The following MCTP2 variants were observed in gnomAD, a reference collection of about 807,000 sequenced individuals.
MCTP2 encodes multiple C2 and transmembrane domain-containing protein 2.
Under a neutral mutation model 111.6 loss-of-function variants are expected in MCTP2, and 132 were observed. The observed-to-expected ratio is 1.18, with a 90% CI of 1.03 to 1.37. The LOEUF is 1.37. Among genes scored for constraint, MCTP2 ranks in the 40% most tolerant of loss-of-function variants. MCTP2 has a pLI of 0.00. For synonymous variants in MCTP2, 395 were observed against 387.7 expected (o/e 1.02, Z -0.22); for missense variants, 1,183 against 1,067.9 (o/e 1.11, Z -1.50).
At chr15:94,426,920 A>G (rs2082922166) in intron 17 of MCTP2, among the ~76,000 whole-genome samples, 1 of 152,110 alleles carries the variant, frequency 6.6e-6, no homozygotes, top group East Asian at 1.9e-4. Context: ...TGGATTCTCA[A>G]CAAAACCATG....
chr15:94,392,667 T>G (rs1289319611), intron 14 of MCTP2, among the ~76,000 whole-genome samples: 1 of 151,468 alleles, frequency 6.6e-6, no homozygotes, highest in Non-Finnish European at 1.5e-5. Flanking sequence ...TGCAAAAAAA[T>G]TAGCTGGGCA....
Position 94,378,154 on chromosome 15 carries a change from A to G in MCTP2, c.1583-5868A>G, listed in dbSNP as rs1362308934. Among the ~76,000 whole-genome samples the G allele has an allele frequency of 2.0e-5, 3 of 152,118 alleles. No individual in the cohort carries two copies. The East Asian group carries it at 5.8e-4, about 29-fold the overall frequency. ...TTGAGAGGAGAATGAAAATGGGAAG[A>G]TGTTAGACAAGATCAGTGAATGATG... On this transcript the variant is annotated intron_variant, in intron 12 of 22. Coordinates refer to ENST00000357742, the MANE Select transcript of MCTP2 (RefSeq NM_001385001.1).
chr15:94,287,720 C>G (rs142147907), intron 1 of MCTP2, among the ~76,000 whole-genome samples: 20 of 152,350 alleles, frequency 1.3e-4, no homozygotes, highest in Admixed American at 9.2e-4. Flanking sequence ...CCTCATTCAT[C>G]AGATTGGCTC....
chr15:94,256,241 A>G (rs1015527848), intron 1 of MCTP2, among the ~76,000 whole-genome samples: 3 of 152,314 alleles, frequency 2.0e-5, no homozygotes, highest in African/African-American at 7.2e-5. Context: ...GGCTATGTAT[A>G]TAAGGTGTGT....
At chr15:94,265,746 G>A (rs1053607863) in intron 1 of MCTP2, among the ~76,000 whole-genome samples, 1 of 152,050 alleles carries the variant, frequency 6.6e-6, no homozygotes, top group Non-Finnish European at 1.5e-5. Context: ...TTTTAAAAAG[G>A]AAGATAAAAT....
chr15:94,464,374 T>TTAATGTTGTTTATAACATCCTC (rs2085468076), intron 20 of MCTP2, among the ~76,000 whole-genome samples: 1 of 150,858 alleles, frequency 6.6e-6, no homozygotes, highest in African/African-American at 2.4e-5. Flanking sequence ...ACTTGTTGAT[T>TTAATGTTGTTTATAACATCCTC]TAATGTTGTT....
intron 1 of MCTP2, among the ~76,000 whole-genome samples, chr15:94,243,849 A>G (rs538654522): frequency 1.3e-3 from 198 of 148,156 alleles, no homozygotes; most frequent in African/African-American, 4.4e-3. Context: ...ATGTACACAT[A>G]TATGTATACA....
rs2074864042 is a variant in MCTP2 at position 94,288,344 on chromosome 15, A to G, written c.-65-9857A>G. The stretch of plus-strand genomic sequence containing the variant: ...ACTCATGGACTCATCCATAGCCTGA[A>G]CATACATGGATCTGATCCTTATTAG... On this transcript the variant is annotated intron_variant, in intron 1 of 22. Coordinates refer to ENST00000357742, the MANE Select transcript of MCTP2 (RefSeq NM_001385001.1). Among the ~76,000 whole-genome samples, 4 of 152,276 alleles carry G rather than the reference A, an allele frequency of 2.6e-5. No homozygotes were observed. The South Asian group carries it at 8.3e-4, about 32-fold the overall frequency.
chr15:94,413,260 CAG>C (rs1312728572), intron 17 of MCTP2, among the ~76,000 whole-genome samples: 1 of 151,984 alleles, frequency 6.6e-6, no homozygotes, highest in Non-Finnish European at 1.5e-5. Flanking sequence ...CGTCTATAAG[CAG>C]AAATTATTAC....
Position 94,250,392 on chromosome 15 carries a change from G to C in MCTP2, c.-66+18728G>C, listed in dbSNP as rs2045264. Among the ~76,000 whole-genome samples the C allele has an allele frequency of 2.1e-4, 32 of 152,246 alleles. 1 individual carries two copies. In the East Asian group the frequency reaches 6.2e-3, roughly 29 times the overall value. On this transcript the variant is annotated intron_variant, in intron 1 of 22. Transcript: ENST00000357742. ...ATTCTATCCTTCACTTGTGCTGATG[G>C]AGTAATTTAAAATTTCATGTCGTGA...
chr15:94,436,870 C>G lies in MCTP2; in HGVS notation c.2086-3306C>G, dbSNP rs556865739. Among the ~76,000 whole-genome samples the G allele has an allele frequency of 6.9e-4, 104 of 150,674 alleles. 1 individual carries two copies. The highest frequency in any genetic ancestry group is 4.8e-3 in the South Asian group (23 of 4,746). ...TATGCCGTTAAAACCCTTAATCCCC[C>G]CAAAAAACGTAACAATAGGGAAAGG... On this transcript the variant is annotated intron_variant, in intron 17 of 22. Transcript: ENST00000357742.
chr15:94,349,848 A>G (rs2078209042), intron 8 of MCTP2, among the ~76,000 whole-genome samples: 1 of 151,760 alleles, frequency 6.6e-6, no homozygotes, highest in African/African-American at 2.4e-5. Context: ...ACTGGAATGA[A>G]TCTCATCAGT....
intron 10 of MCTP2, among the ~76,000 whole-genome samples, chr15:94,362,709 C>G (rs781418439): frequency 6.6e-6 from 1 of 152,128 alleles, no homozygotes; most frequent in African/African-American, 2.4e-5. Context: ...TAAAAGCTGA[C>G]CAGTCTGTAA....
intron 10 of MCTP2, among the ~76,000 whole-genome samples, chr15:94,367,260 C>T (rs1274298094): frequency 6.6e-6 from 1 of 152,182 alleles, no homozygotes; most frequent in Non-Finnish European, 1.5e-5. Flanking sequence ...AGCCATACAG[C>T]ATGCTTACTC....
intron 8 of MCTP2, among the ~76,000 whole-genome samples, chr15:94,353,300 C>T (rs2078417304): frequency 6.6e-6 from 1 of 152,158 alleles, no homozygotes; most frequent in African/African-American, 2.4e-5. Flanking sequence ...AGATCAGGAG[C>T]TCCAGCCAAG....
At position 94,443,660 on chromosome 15, in the gene MCTP2, A is replaced by T. The variant is rs544003754; in HGVS notation, c.2250+700A>T. On this transcript the variant is annotated intron_variant, in intron 19 of 22. Transcript: ENST00000357742. ...CCAGTGTAAATGCCCATTGAATAGA[A>T]ATGTATTCAAAGACACTGGCTCTGT... Among the ~76,000 whole-genome samples, 5 of 152,254 alleles carry T rather than the reference A, an allele frequency of 3.3e-5. No homozygotes were observed. In the East Asian group the frequency reaches 7.7e-4, roughly 24 times the overall value.
chr15:94,371,225 T>G (rs1054473810), intron 12 of MCTP2, among the ~76,000 whole-genome samples: 1 of 152,150 alleles, frequency 6.6e-6, no homozygotes, highest in African/African-American at 2.4e-5. Context: ...CAAAAATGGT[T>G]TTTGGGCCAA....
intron 17 of MCTP2, among the ~76,000 whole-genome samples, chr15:94,425,186 A>G (rs1222258189): frequency 3.9e-5 from 6 of 152,160 alleles, no homozygotes; most frequent in African/African-American, 1.4e-4. Context: ...TAGTATCCAA[A>G]TGACTTGGTA....
intron 1 of MCTP2, among the ~76,000 whole-genome samples, chr15:94,269,189 C>T (rs2073773572): frequency 6.6e-6 from 1 of 152,128 alleles, no homozygotes; most frequent in African/African-American, 2.4e-5. Flanking sequence ...GTTTGGGTTT[C>T]AAATTCTGTC....
Sources: gnomAD v4.1 joint callset for allele counts (sites outside exome capture counted in the v4.1 genomes callset) on GRCh38, gnomAD v4.1.1 for gene constraint, MANE v1.5 for transcripts, NCBI Gene and HGNC (gene_info 2026-07-23, HGNC 2026-07-21) for gene names.